TENM1: variants seen among roughly 807,000 people sequenced by gnomAD.
TENM1 encodes the protein teneurin transmembrane protein 1, also known as teneurin-1.
Under a neutral mutation model 174.8 loss-of-function variants are expected in TENM1, and 35 were observed. The ratio of observed to expected loss-of-function variants is 0.20; its 90% confidence interval spans 0.15 to 0.27. The LOEUF (loss-of-function observed/expected upper bound fraction) is 0.27. TENM1 is among the 10% of genes least tolerant of loss of function. The probability of loss-of-function intolerance (pLI) is 1.00; values close to 1 mark genes in which losing one functional copy is unlikely to be tolerated. For synonymous variants in TENM1, 781 were observed against 798.7 expected, an observed-to-expected ratio of 0.98 and a Z score of 0.37; for missense variants, 1,633 against 2,130.1, an observed-to-expected ratio of 0.77 and a Z score of 4.59.
chrX:125,084,255 C>CA, the TENM1 span, among the ~76,000 whole-genome samples: 3 of 110,361 alleles, frequency 2.7e-5, no homozygotes, highest in Non-Finnish European at 5.7e-5. Context: ...ATCCATCCAT[C>CA]CATTCAAAAA....
At chrX:124,545,582 C>A (rs951291884) in intron 15 of TENM1, among the ~76,000 whole-genome samples, 2 of 111,809 alleles carry the variant, frequency 1.8e-5, no homozygotes, top group African/African-American at 6.5e-5. Context: ...TGATGTCTTA[C>A]CTCTACCTTA....
chrX:125,036,761 G>A, the TENM1 span, among the ~76,000 whole-genome samples: 1 of 111,568 alleles, frequency 9.0e-6, no homozygotes, highest in Admixed American at 9.6e-5. Context: ...CTTCCACTGT[G>A]TGCAAAATGA....
intron 1 of TENM1, among the ~76,000 whole-genome samples, chrX:124,952,313 C>T (rs1036187625): frequency 3.8e-5 from 4 of 104,258 alleles, no homozygotes; most frequent in African/African-American, 1.1e-4. Context: ...AATTGATTCA[C>T]TTCACTGTTC....
chrX:124,775,886 C>T (rs1603182933), intron 3 of TENM1, among the ~76,000 whole-genome samples: 1 of 111,436 alleles, frequency 9.0e-6, no homozygotes, highest in Admixed American at 9.6e-5. Context: ...GGGATGCCAA[C>T]TTTTGGTATG....
chrX:125,001,114 G>A, the TENM1 span, among the ~76,000 whole-genome samples: 3 of 109,638 alleles, frequency 2.7e-5, no homozygotes, highest in African/African-American at 9.9e-5. Flanking sequence ...TTCAAATTCT[G>A]CTATATAGTT....
At chrX:124,846,455 C>G (rs2056610919) in intron 3 of TENM1, among the ~76,000 whole-genome samples, 1 of 111,064 alleles carries the variant, frequency 9.0e-6, no homozygotes, top group Non-Finnish European at 1.9e-5. Context: ...GGTTCAGCTT[C>G]CAAAACTACA....
At chrX:124,609,266 T>C (rs1403046836) in intron 11 of TENM1, among the ~76,000 whole-genome samples, 1 of 111,592 alleles carries the variant, frequency 9.0e-6, no homozygotes, top group African/African-American at 3.3e-5. Flanking sequence ...AAAAGTTTAA[T>C]CTGATAGGGT....
chrX:124,813,010 TAA>T (rs1188254077), intron 3 of TENM1, among the ~76,000 whole-genome samples: 1 of 111,001 alleles, frequency 9.0e-6, no homozygotes, highest in East Asian at 2.8e-4. Context: ...ACAGAAATGA[TAA>T]AAGACAAATA....
At chrX:124,459,154 G>A (rs1231762858) in intron 22 of TENM1, among the ~76,000 whole-genome samples, 1 of 111,631 alleles carries the variant, frequency 9.0e-6, no homozygotes, top group East Asian at 2.8e-4. Flanking sequence ...AGTCACAAGT[G>A]ATTTCTCAGA....
At chrX:125,087,503 G>C in the TENM1 span, among the ~76,000 whole-genome samples, 4 of 110,806 alleles carry the variant, frequency 3.6e-5, no homozygotes, top group East Asian at 2.8e-4. Context: ...AAAAATATGA[G>C]GTCACATTGC....
intron 18 of TENM1, among the ~76,000 whole-genome samples, chrX:124,510,181 A>G (rs2047550025): frequency 9.3e-6 from 1 of 108,010 alleles, no homozygotes; most frequent in Admixed American, 9.7e-5. Context: ...CCAGTTTGAT[A>G]GATATCATAG....
the TENM1 span, among the ~76,000 whole-genome samples, chrX:125,067,357 C>T: frequency 9.0e-6 from 1 of 110,600 alleles, no homozygotes; most frequent in East Asian, 2.9e-4. Flanking sequence ...CATTGGTGCT[C>T]AAATAGTTTT....
chrX:125,149,115 C>CTA, the TENM1 span, among the ~76,000 whole-genome samples: 1 of 111,245 alleles, frequency 9.0e-6, no homozygotes, highest in African/African-American at 3.3e-5. Context: ...GTCCCAATGC[C>CTA]ACTGATGCTC....
In TENM1 at chrX:124,963,736, GCAGT is replaced by G. The variant is rs1244601055; in HGVS notation, c.14_17del (p.Asp5AlafsTer16). The stretch of plus-strand genomic sequence containing the variant: ...CTTTTGGTAGAGGCTGGTAGGGTTT[GCAGT>G]CAGTTTGCTCCATCTCTGATTAAGC... On this transcript the variant is annotated frameshift_variant, in exon 1 of 32. Transcript: ENST00000422452. LOFTEE classifies it high-confidence loss of function. 8.3e-7 allele frequency: 1 copy of G among 1,210,877 alleles called. No homozygotes were observed. The highest frequency in any genetic ancestry group is 2.2e-5 in the Admixed American group (1 of 45,965).
the TENM1 span, among the ~76,000 whole-genome samples, chrX:125,013,342 G>A: frequency 9.0e-6 from 1 of 111,512 alleles, no homozygotes; most frequent in African/African-American, 3.3e-5. Context: ...TTTTATTGCT[G>A]CAGAAATTTT....
At chrX:124,959,875 G>C (rs1276414929) in intron 1 of TENM1, among the ~76,000 whole-genome samples, 1 of 111,438 alleles carries the variant, frequency 9.0e-6, no homozygotes, top group Non-Finnish European at 1.9e-5. Context: ...TCTTGAGTGT[G>C]TCTCTTCATC....
chrX:124,946,352 G>A (rs926049582), intron 1 of TENM1, among the ~76,000 whole-genome samples: 6 of 111,843 alleles, frequency 5.4e-5, no homozygotes, highest in Non-Finnish European at 9.4e-5. Context: ...TTTCAAGGGA[G>A]AGGTCAAAGC....
chrX:124,979,676 T>C, the TENM1 span, among the ~76,000 whole-genome samples: 1 of 110,821 alleles, frequency 9.0e-6, no homozygotes, highest in African/African-American at 3.3e-5. Context: ...TGGAGAAACA[T>C]ATCAAATAAT....
chrX:124,432,549 C>T (rs950212247), intron 23 of TENM1, among the ~76,000 whole-genome samples: 1 of 111,806 alleles, frequency 8.9e-6, no homozygotes, highest in Admixed American at 9.5e-5. Flanking sequence ...GCTGGGACTA[C>T]AGGTATGCAC....
Sources: gnomAD v4.1 joint callset for allele counts (sites outside exome capture counted in the v4.1 genomes callset) on GRCh38, gnomAD v4.1.1 for gene constraint, MANE v1.5 for transcripts, NCBI Gene and HGNC (gene_info 2026-07-23, HGNC 2026-07-21) for gene names.